DTNB: variants seen among roughly 807,000 people sequenced by gnomAD.
DTNB encodes the protein dystrobrevin beta.
Under a neutral mutation model 90.7 loss-of-function variants are expected in DTNB, and 63 were observed. That is an observed-to-expected ratio of 0.69 (90% CI 0.57 to 0.86). DTNB has a LOEUF of 0.86. DTNB is among the 40% of genes least tolerant of loss of function. The pLI, the probability that DTNB is intolerant of heterozygous loss-of-function variation, is 0.00. For missense variants in DTNB, 744 were observed against 807.1 expected (o/e 0.92, Z 0.95); for synonymous variants, 277 against 286.7 (o/e 0.97, Z 0.34).
At chr2:25,451,745 G>T in intron 11 of DTNB, 110 bp from the exon 12 acceptor site, 1 of 1,082,306 alleles carries the variant, frequency 9.2e-7, no homozygotes, top group South Asian at 2.3e-5. Flanking sequence ...GGTAATAAAA[G>T]AACTAGAGGC....
intron 10 of DTNB, among the ~76,000 whole-genome samples, chr2:25,465,597 C>A (rs951330724): frequency 1.1e-4 from 17 of 152,194 alleles, no homozygotes; most frequent in African/African-American, 3.6e-4. Flanking sequence ...GCGCTTCAGC[C>A]GTGCTGACCT....
intron 2 of DTNB, among the ~76,000 whole-genome samples, chr2:25,641,434 C>T (rs2078276794): frequency 1.3e-5 from 2 of 152,140 alleles, no homozygotes; most frequent in Admixed American, 6.5e-5. Context: ...TCATCCATTA[C>T]CTCAAAGGAT....
intron 11 of DTNB, 144 bp downstream of exon 11, chr2:25,455,261 A>G (rs748701979): frequency 9.7e-5 from 72 of 744,800 alleles, no homozygotes; most frequent in Non-Finnish European, 1.4e-4. Context: ...CTTAGCAACT[A>G]TTTTAACTCT....
At chr2:25,439,250 C>CA (rs1370122217) in intron 12 of DTNB, among the ~76,000 whole-genome samples, 1 of 152,128 alleles carries the variant, frequency 6.6e-6, no homozygotes, top group Non-Finnish European at 1.5e-5. Context: ...CCTGTAATCC[C>CA]AGCACTCTGG....
intron 9 of DTNB, among the ~76,000 whole-genome samples, chr2:25,517,522 T>C (rs531042402): frequency 6.5e-4 from 99 of 152,248 alleles, no homozygotes; most frequent in African/African-American, 2.0e-3. Context: ...CAAATCAACA[T>C]AGAATAACAA....
At chr2:25,439,371 C>T (rs559054927) in intron 12 of DTNB, among the ~76,000 whole-genome samples, 11 of 152,010 alleles carry the variant, frequency 7.2e-5, no homozygotes, top group Non-Finnish European at 1.6e-4. Flanking sequence ...GGCTTGGTGG[C>T]GCGTGCCTGT....
chr2:25,475,870 C>T (rs981401290), intron 10 of DTNB, among the ~76,000 whole-genome samples: 3 of 152,068 alleles, frequency 2.0e-5, no homozygotes, highest in South Asian at 2.1e-4. Context: ...GTTTACAGCA[C>T]GGTTTAATGA....
intron 4 of DTNB, among the ~76,000 whole-genome samples, chr2:25,611,593 G>A (rs1219130564): frequency 1.3e-5 from 2 of 152,146 alleles, no homozygotes; most frequent in Admixed American, 6.5e-5. Context: ...GCAATGCTGA[G>A]GAGTTTGAAA....
chr2:25,593,153 G>A (rs368745914), intron 6 of DTNB, among the ~76,000 whole-genome samples: 51 of 152,276 alleles, frequency 3.3e-4, no homozygotes, highest in African/African-American at 1.2e-3. Context: ...CTCCCTAAAG[G>A]AAGGTACTGC....
chr2:25,604,680 T>C (rs1396735910), intron 5 of DTNB, among the ~76,000 whole-genome samples: 1 of 152,158 alleles, frequency 6.6e-6, no homozygotes. Context: ...ACAACCTCCA[T>C]CTCCTGGGCT....
chr2:25,634,270 G>A (rs1452072291), intron 3 of DTNB, among the ~76,000 whole-genome samples: 4 of 129,284 alleles, frequency 3.1e-5, no homozygotes, highest in East Asian at 5.6e-4. Context: ...CAGCCGCCCC[G>A]TCCGGGAGGG....
intron 10 of DTNB, among the ~76,000 whole-genome samples, chr2:25,473,585 C>T (rs775120034): frequency 6.6e-6 from 1 of 152,040 alleles, no homozygotes; most frequent in South Asian, 2.1e-4. Context: ...GGGGTGTGTG[C>T]GCATGTATGC....
At chr2:25,448,671 G>A (rs528694987) in intron 12 of DTNB, among the ~76,000 whole-genome samples, 3 of 152,054 alleles carry the variant, frequency 2.0e-5, no homozygotes, top group East Asian at 1.9e-4. Context: ...TGGCTAACAC[G>A]GTGAAACCCC....
At chr2:25,505,123 T>C (rs1452340430) in intron 9 of DTNB, among the ~76,000 whole-genome samples, 2 of 152,194 alleles carry the variant, frequency 1.3e-5, no homozygotes, top group East Asian at 1.9e-4. Flanking sequence ...GATTGACTGA[T>C]AGATCATGGA....
intron 4 of DTNB, among the ~76,000 whole-genome samples, chr2:25,609,172 T>C (rs1420413931): frequency 6.6e-6 from 1 of 152,222 alleles, no homozygotes; most frequent in Non-Finnish European, 1.5e-5. Context: ...ACCCTTTTAA[T>C]TAATTAGCCA....
rs780927630 is a variant in DTNB, at chr2:25,638,990, CAGAAATGAGT to C, written c.148+14_148+23del. 5.7e-5 allele frequency: 88 copies of C among 1,549,458 alleles called. 1 individual carries two copies. The highest frequency in any genetic ancestry group is 6.7e-5 in the Non-Finnish European group (76 of 1,139,912). On this transcript the variant is annotated intron_variant, in intron 3 of 20. Coordinates refer to ENST00000406818, the MANE Select transcript of DTNB (RefSeq NM_021907.5). Reference sequence around the variant, plus strand: ...TATTGAGAACTCTATCCAGCTATCACAGAAATGAGTAGAAATGACTCACGGTTGCATCGTT... The same window carrying C: ...TATTGAGAACTCTATCCAGCTATCACAGAAATGACTCACGGTTGCATCGTT...
At chr2:25,651,289 A>G (rs1196086719) in intron 2 of DTNB, among the ~76,000 whole-genome samples, 2 of 152,240 alleles carry the variant, frequency 1.3e-5, no homozygotes, top group African/African-American at 4.8e-5. Flanking sequence ...AGAGGCCCAG[A>G]GAGATTAAGT....
chr2:25,649,171 A>AT (rs1046086585), intron 2 of DTNB, among the ~76,000 whole-genome samples: 3 of 151,596 alleles, frequency 2.0e-5, no homozygotes, highest in African/African-American at 7.3e-5. Context: ...CGCCCAGCTA[A>AT]TTTTTTTGTA....
intron 14 of DTNB, among the ~76,000 whole-genome samples, chr2:25,429,898 CTCTT>C (rs528541222): frequency 8.9e-4 from 135 of 152,268 alleles, no homozygotes; most frequent in African/African-American, 3.1e-3. Flanking sequence ...AGTTCCAAGA[CTCTT>C]TCCCTTTTCT....
Sources: allele counts gnomAD v4.1 joint callset (sites outside exome capture counted in the v4.1 genomes callset), GRCh38; gene constraint gnomAD v4.1.1; transcripts MANE v1.5; gene names NCBI Gene and HGNC (gene_info 2026-07-23, HGNC 2026-07-21).